PLEKHB2: variants seen among roughly 807,000 people sequenced by gnomAD.
PLEKHB2 encodes the protein pleckstrin homology domain-containing family B member 2.
Under a neutral mutation model 36.5 loss-of-function variants are expected in PLEKHB2, and 31 were observed. That is an observed-to-expected ratio of 0.85 (90% CI 0.64 to 1.15). The LOEUF is 1.15. PLEKHB2 is among the 50% of genes most tolerant of loss of function. The probability of loss-of-function intolerance (pLI) is 0.00; values close to 1 mark genes in which losing one functional copy is unlikely to be tolerated. For synonymous variants in PLEKHB2, 119 were observed against 112.0 expected (o/e 1.06, Z -0.39); for missense variants, 262 against 295.3 (o/e 0.89, Z 0.83).
intron 6 of PLEKHB2, among the ~76,000 whole-genome samples, chr2:131,136,438 G>A (rs1698266247): frequency 6.6e-6 from 1 of 151,230 alleles, no homozygotes; most frequent in Non-Finnish European, 1.5e-5. Context: ...TTGAACTCCT[G>A]GCCTCAAACA....
intron 1 of PLEKHB2, among the ~76,000 whole-genome samples, chr2:131,111,423 C>A (rs945653440): frequency 6.9e-6 from 1 of 145,420 alleles, no homozygotes; most frequent in African/African-American, 2.5e-5. Flanking sequence ...ATCTTTCCAA[C>A]TCTTGTATTG....
At chr2:131,143,619 T>A (rs547299464) in intron 7 of PLEKHB2, among the ~76,000 whole-genome samples, 10 of 152,356 alleles carry the variant, frequency 6.6e-5, no homozygotes, top group Non-Finnish European at 1.5e-4. Flanking sequence ...CCCATAAAGA[T>A]GGCCTGTTGT....
chr2:131,133,532 T>C (rs1217567827), intron 6 of PLEKHB2, among the ~76,000 whole-genome samples: 1 of 152,230 alleles, frequency 6.6e-6, no homozygotes, highest in African/African-American at 2.4e-5. Context: ...TTTTATGTGT[T>C]TTCCCCATTT....
chr2:131,134,417 T>G (rs917267900), intron 6 of PLEKHB2, among the ~76,000 whole-genome samples: 1 of 152,220 alleles, frequency 6.6e-6, no homozygotes, highest in Admixed American at 6.5e-5. Flanking sequence ...AGCCCAAGTT[T>G]CCTAAGATTT....
intron 7 of PLEKHB2, among the ~76,000 whole-genome samples, chr2:131,142,258 C>G (rs991372944): frequency 6.6e-6 from 1 of 152,186 alleles, no homozygotes; most frequent in African/African-American, 2.4e-5. Flanking sequence ...TATAATGAAA[C>G]TACATTAAAT....
At chr2:131,109,911 G>C (rs1315356008) in intron 1 of PLEKHB2, among the ~76,000 whole-genome samples, 11 of 151,868 alleles carry the variant, frequency 7.2e-5, no homozygotes. Context: ...TCAGGAGATC[G>C]AGACCATCCT....
chr2:131,122,911 G>T (rs185887423), intron 2 of PLEKHB2, among the ~76,000 whole-genome samples: 1 of 152,310 alleles, frequency 6.6e-6, no homozygotes, highest in East Asian at 1.9e-4. Context: ...GGGACATGGG[G>T]ACCCTTGCTC....
chr2:131,109,825 A>T (rs1262425573), intron 1 of PLEKHB2, among the ~76,000 whole-genome samples: 5 of 152,148 alleles, frequency 3.3e-5, no homozygotes, highest in Admixed American at 2.6e-4. Flanking sequence ...TTTTTAAAAT[A>T]GTATTTTGGC....
rs529732508 is a variant in PLEKHB2, at chr2:131,106,751, C to G, written c.-9+1353C>G. ...TGGTGATCTCTTTACTCGACTCTTC[C>G]CTATTCGTACTGATCTCCCTGAGGA... On this transcript the variant is annotated intron_variant, in intron 1 of 7. Transcript: ENST00000693505. Among the ~76,000 whole-genome samples, 8 of 152,188 alleles carry G rather than the reference C, an allele frequency of 5.3e-5. No individual in the cohort carries two copies. In the South Asian group the frequency reaches 1.0e-3, roughly 20 times the overall value.
intron 1 of PLEKHB2, among the ~76,000 whole-genome samples, chr2:131,112,263 G>A (rs577718266): frequency 1.7e-4 from 26 of 152,292 alleles, no homozygotes; most frequent in Admixed American, 1.3e-3. Context: ...CAGAATAGCC[G>A]AACACCTGGA....
At chr2:131,117,787 C>G (rs1429892662) in intron 1 of PLEKHB2, among the ~76,000 whole-genome samples, 4 of 152,078 alleles carry the variant, frequency 2.6e-5, no homozygotes, top group Non-Finnish European at 5.9e-5. Flanking sequence ...ACATTCCTTC[C>G]TTTTTGTTTC....
chr2:131,107,258 T>C (rs950654231), intron 1 of PLEKHB2, among the ~76,000 whole-genome samples: 14 of 152,266 alleles, frequency 9.2e-5, no homozygotes, highest in African/African-American at 3.1e-4. Flanking sequence ...TTGTTAGTTA[T>C]ATATTTGCTT....
chr2:131,144,426 G>A (rs184542142), intron 7 of PLEKHB2: 74 of 1,228,826 alleles, frequency 6.0e-5, no homozygotes, highest in South Asian at 1.2e-4. Context: ...CTCATGACAC[G>A]TCATTGCACT....
intron 5 of PLEKHB2, 91 bp downstream of exon 5, chr2:131,130,851 C>G (rs3762570): frequency 0.16 from 144,995 of 879,462 alleles, 16,226 homozygotes; most frequent in African/African-American, 0.47. Context: ...TGCTGTCTCA[C>G]CTCACTGCAG....
At chr2:131,128,819 C>G (rs111877627) in intron 4 of PLEKHB2, among the ~76,000 whole-genome samples, 3,276 of 152,212 alleles carry the variant, frequency 0.022, 119 homozygotes, top group African/African-American at 0.074. Context: ...GAGAGAATTA[C>G]AAATCTAAGG....
intron 6 of PLEKHB2, among the ~76,000 whole-genome samples, chr2:131,134,039 A>G (rs1215882105): frequency 6.6e-6 from 1 of 151,374 alleles, no homozygotes; most frequent in Non-Finnish European, 1.5e-5. Context: ...AGCTGGGACT[A>G]CAGGCGCCCG....
At chr2:131,121,908 T>G (rs1022363839) in intron 2 of PLEKHB2, among the ~76,000 whole-genome samples, 3 of 151,962 alleles carry the variant, frequency 2.0e-5, no homozygotes, top group Admixed American at 2.0e-4. Context: ...TTTATTTTTA[T>G]TTATTTATTT....
At chr2:131,145,703 A>G (rs1699217706) in intron 7 of PLEKHB2, among the ~76,000 whole-genome samples, 1 of 152,210 alleles carries the variant, frequency 6.6e-6, no homozygotes, top group Admixed American at 6.5e-5. Context: ...ATACCTGAGC[A>G]GTTTGAAAGC....
chr2:131,111,047 C>T (rs931706640), intron 1 of PLEKHB2, among the ~76,000 whole-genome samples: 3 of 152,120 alleles, frequency 2.0e-5, no homozygotes, highest in African/African-American at 7.2e-5. Context: ...CTGTGATGCC[C>T]AGGCTGGAAT....
Sources: allele counts gnomAD v4.1 joint callset (sites outside exome capture counted in the v4.1 genomes callset), GRCh38; gene constraint gnomAD v4.1.1; transcripts MANE v1.5; gene names NCBI Gene and HGNC (gene_info 2026-07-23, HGNC 2026-07-21).